Variants in TMEM278 observed in about 807,000 individuals in gnomAD.
TMEM278 encodes transmembrane protein 88B.
chr1:1,427,885 C>A, the TMEM278 span: 1 of 1,163,694 alleles, frequency 8.6e-7, no homozygotes, highest in South Asian at 2.1e-5. Flanking sequence ...CCCGCTGCCC[C>A]TTCCTGGCTG....
the TMEM278 span, chr1:1,427,873 C>A: frequency 1.7e-6 from 2 of 1,208,302 alleles, no homozygotes; most frequent in Non-Finnish European, 1.1e-6. Context: ...CTGAGGGTCG[C>A]CCCCGCTGCC....
At chr1:1,429,859 CTCTG>C in the TMEM278 span, among the ~76,000 whole-genome samples, 51 of 152,142 alleles carry the variant, frequency 3.4e-4, no homozygotes, top group Middle Eastern at 3.4e-3. Flanking sequence ...CTCCACACTA[CTCTG>C]TCTGTTTGTT....
chr1:1,426,275 C>G, the TMEM278 span: 5 of 1,492,428 alleles, frequency 3.4e-6, no homozygotes, highest in Non-Finnish European at 4.5e-6. Context: ...GCTGCCCGGC[C>G]GGCTGCTGGC....
chr1:1,426,100 C>CG, the TMEM278 span: 21 of 1,365,294 alleles, frequency 1.5e-5, no homozygotes, highest in Non-Finnish European at 1.7e-5. Context: ...GAGCACCGCC[C>CG]GGGCCACAGG....
At chr1:1,427,732 C>G in the TMEM278 span, 2 of 1,303,130 alleles carry the variant, frequency 1.5e-6, no homozygotes, top group Non-Finnish European at 1.9e-6. Flanking sequence ...ACCCCCGGAC[C>G]CCGCCGCCCC....
the TMEM278 span, chr1:1,427,895 G>C: frequency 9.1e-7 from 1 of 1,094,434 alleles, no homozygotes; most frequent in Non-Finnish European, 1.2e-6. Context: ...CTTCCTGGCT[G>C]GGCGCGCAGC....
chr1:1,427,196 G>T, the TMEM278 span, among the ~76,000 whole-genome samples: 1 of 132,290 alleles, frequency 7.6e-6, no homozygotes, highest in East Asian at 2.2e-4. Flanking sequence ...TCCCTTTGCC[G>T]TGGCCCTGCA....
chr1:1,427,877 C>T, the TMEM278 span: 2 of 1,205,006 alleles, frequency 1.7e-6, no homozygotes, highest in Non-Finnish European at 2.1e-6. Flanking sequence ...GGGTCGCCCC[C>T]GCTGCCCCTT....
the TMEM278 span, chr1:1,427,710 C>T: frequency 8.3e-6 from 11 of 1,324,154 alleles, no homozygotes; most frequent in African/African-American, 1.6e-5. Context: ...GCTGCTGCCT[C>T]CGCCCGCTGG....
chr1:1,427,372 CCATCA>C, the TMEM278 span, among the ~76,000 whole-genome samples: 1 of 132,206 alleles, frequency 7.6e-6, no homozygotes, highest in Non-Finnish European at 1.6e-5. Flanking sequence ...CCCTTCCCCT[CCATCA>C]CCCTGCCCTG....
At chr1:1,426,355 C>G in the TMEM278 span, 14 of 1,437,496 alleles carry the variant, frequency 9.7e-6, no homozygotes, top group Middle Eastern at 2.6e-4. Flanking sequence ...CGGCCGCCGT[C>G]GTCTACCTGG....
At chr1:1,426,399 C>G in the TMEM278 span, 1 of 1,363,040 alleles carries the variant, frequency 7.3e-7, no homozygotes, top group Non-Finnish European at 9.5e-7. Flanking sequence ...AGCCTGTGCC[C>G]CGTGGGCGGG....
the TMEM278 span, chr1:1,426,218 C>A: frequency 7.1e-7 from 1 of 1,416,638 alleles, no homozygotes; most frequent in Non-Finnish European, 9.3e-7. Flanking sequence ...ACCTCCCGAC[C>A]ACCAGGCCTC....
chr1:1,427,836 C>T, the TMEM278 span: 1 of 1,346,142 alleles, frequency 7.4e-7, no homozygotes. Context: ...TCGCGCGCGA[C>T]CCCATCGCGT....
chr1:1,427,966 G>T, the TMEM278 span, among the ~76,000 whole-genome samples: 2 of 142,772 alleles, frequency 1.4e-5, no homozygotes, highest in Admixed American at 6.9e-5. Flanking sequence ...ACGGAGGGCA[G>T]GGGAGGGGAA....
the TMEM278 span, chr1:1,427,807 C>T: frequency 5.8e-6 from 8 of 1,376,788 alleles, no homozygotes; most frequent in Non-Finnish European, 7.5e-6. Flanking sequence ...CGCTGCGAAA[C>T]CCCGGGAGGC....
the TMEM278 span, chr1:1,427,659 G>A: frequency 9.7e-6 from 13 of 1,339,306 alleles, no homozygotes; most frequent in Admixed American, 2.9e-5. Flanking sequence ...GCTGGTGCTC[G>A]CCTCGGCCGT....
the TMEM278 span, chr1:1,426,005 T>C: frequency 8.0e-7 from 1 of 1,253,384 alleles, no homozygotes. Flanking sequence ...GGGTCCACGG[T>C]CTGGCTGGGG....
At chr1:1,426,021 G>T in the TMEM278 span, 1 of 1,264,122 alleles carries the variant, frequency 7.9e-7, no homozygotes, top group Non-Finnish European at 1.0e-6. Context: ...TGGGGGATGT[G>T]GACTGGCTGC....
Sources: gnomAD v4.1 joint callset for allele counts (sites outside exome capture counted in the v4.1 genomes callset) on GRCh38, gnomAD v4.1.1 for gene constraint, MANE v1.5 for transcripts, NCBI Gene and HGNC (gene_info 2026-07-23, HGNC 2026-07-21) for gene names.